The following CTNNA3 variants were observed in gnomAD, a reference collection of about 807,000 sequenced individuals.
The protein encoded by CTNNA3 is catenin alpha 3.
Under a neutral mutation model 95.7 loss-of-function variants are expected in CTNNA3, and 76 were observed. The observed-to-expected ratio is 0.79, with a 90% CI of 0.66 to 0.96. The LOEUF (loss-of-function observed/expected upper bound fraction) is 0.96, where lower values mean the gene tolerates loss of function less well. CTNNA3 is among the 40% of genes least tolerant of loss of function. CTNNA3 has a pLI of 0.00. For synonymous variants in CTNNA3, 431 were observed against 374.4 expected (o/e 1.15, Z -1.74); for missense variants, 1,191 against 1,089.8 (o/e 1.09, Z -1.31).
At chr10:67,699,866 T>G (rs923322001), upstream of CTNNA3, among the ~76,000 whole-genome samples, 6 of 152,284 alleles carry the variant, frequency 3.9e-5, no homozygotes, top group South Asian at 1.2e-3. Context: ...TTCCCTTTCC[T>G]AGTCAAAGAA....
At chr10:67,292,621 A>G (rs1053428824) in intron 5 of CTNNA3, among the ~76,000 whole-genome samples, 1 of 152,168 alleles carries the variant, frequency 6.6e-6, no homozygotes, top group Non-Finnish European at 1.5e-5. Flanking sequence ...AACTGCTACA[A>G]TGAAACCATA....
intron 7 of CTNNA3, among the ~76,000 whole-genome samples, chr10:66,808,696 C>T (rs1044686152): frequency 1.3e-5 from 2 of 152,080 alleles, no homozygotes; most frequent in Non-Finnish European, 2.9e-5. Flanking sequence ...TTCCTTTGCC[C>T]AGCATTTCCA....
chr10:66,085,174 G>A (rs1297720190), intron 14 of CTNNA3: 1 of 152,038 alleles, frequency 6.6e-6, no homozygotes, highest in Non-Finnish European at 1.5e-5. Context: ...ATTTGTAGAA[G>A]AAGAATGAAA....
chr10:67,370,005 T>A (rs1308392354), intron 5 of CTNNA3, among the ~76,000 whole-genome samples: 3 of 152,180 alleles, frequency 2.0e-5, no homozygotes, highest in African/African-American at 7.2e-5. Context: ...TATATGCATG[T>A]GTAGGTGTGT....
intron 3 of CTNNA3, among the ~76,000 whole-genome samples, chr10:67,600,544 G>C (rs1564773530): frequency 6.6e-6 from 1 of 152,082 alleles, no homozygotes; most frequent in Non-Finnish European, 1.5e-5. Context: ...ACATACATTT[G>C]AATTAAAAAC....
chr10:67,744,652 T>G lies in CTNNA3; in HGVS notation c.-2+18782A>C, dbSNP rs1482468731. Among the ~76,000 whole-genome samples, 3 of 150,776 alleles carry G rather than the reference T, an allele frequency of 2.0e-5. 1 individual carries two copies. In the South Asian group the frequency reaches 6.4e-4, roughly 32 times the overall value. On this transcript the variant is annotated intron_variant, in intron 1 of 17. Coordinates refer to the CTNNA3 transcript ENST00000684154. ...GGCAACAAAAGCCAAAATTGACAAA[T>G]GGGATCTAATTAAACTAAAGAGTTT...
At position 65,988,726 on chromosome 10, in the gene CTNNA3, C is replaced by G. The variant is rs1244151036; in HGVS notation, c.2231G>C (p.Arg744Thr). The G allele has an allele frequency of 6.2e-7, 1 of 1,613,932 alleles. No individual in the cohort carries two copies. Among genetic ancestry groups the G allele is most frequent in the Non-Finnish European group, 8.5e-7 (1 of 1,179,944 alleles). The change falls in exon 16 of 18, where the codon AGG becomes ACG. Residue 744 changes from arginine (R) to threonine (T), a missense_variant. By Grantham distance (71) the Arg-to-Thr change is moderately conservative. Coordinates refer to ENST00000433211, the MANE Select transcript of CTNNA3 (RefSeq NM_013266.4). ...AATCTGCCGAGCAAGGACATCCATC[C>G]TTGATCCTGATTCTGATATCATTTT... ...AAKMISESGS[R>T]MDVLARQIAN...
At chr10:66,637,007 TAAAG>T (rs1024121343) in intron 9 of CTNNA3, among the ~76,000 whole-genome samples, 13 of 152,128 alleles carry the variant, frequency 8.5e-5, no homozygotes, top group Admixed American at 2.0e-4. Flanking sequence ...TAAAAAGTCT[TAAAG>T]AAAGACAATT....
At chr10:66,078,992 A>G (rs937245769) in intron 14 of CTNNA3, 2 of 152,002 alleles carry the variant, frequency 1.3e-5, no homozygotes, top group Non-Finnish European at 2.9e-5. Flanking sequence ...GGAAGTAGAC[A>G]GAAGGTGTAT....
chr10:66,392,654 T>C (rs2092943371), intron 11 of CTNNA3, among the ~76,000 whole-genome samples: 1 of 152,056 alleles, frequency 6.6e-6, no homozygotes, highest in African/African-American at 2.4e-5. Context: ...ACATTGTTTA[T>C]CATCAAGGAA....
chr10:66,537,164 A>G (rs1234566158), intron 10 of CTNNA3, among the ~76,000 whole-genome samples: 4 of 152,110 alleles, frequency 2.6e-5, no homozygotes, highest in Admixed American at 2.6e-4. Flanking sequence ...CTTCAGTTTG[A>G]CAAATAGTTA....
chr10:67,312,178 T>C (rs570820410), intron 5 of CTNNA3, among the ~76,000 whole-genome samples: 1 of 151,308 alleles, frequency 6.6e-6, no homozygotes, highest in South Asian at 2.1e-4. Context: ...GTTCAAGCAA[T>C]TCTCCTGCCT....
chr10:66,859,266 T>G (rs577047429), intron 7 of CTNNA3, among the ~76,000 whole-genome samples: 22 of 152,102 alleles, frequency 1.4e-4, no homozygotes, highest in South Asian at 1.0e-3. Context: ...AACCTACTCA[T>G]CTGACAAAAG....
intron 13 of CTNNA3, among the ~76,000 whole-genome samples, chr10:66,257,403 C>T (rs1181328408): frequency 6.6e-6 from 1 of 152,214 alleles, no homozygotes; most frequent in African/African-American, 2.4e-5. Flanking sequence ...TTCCTTTCCT[C>T]ATTCCTTTTA....
intron 7 of CTNNA3, among the ~76,000 whole-genome samples, chr10:67,080,930 A>G (rs200263953): frequency 2.8e-5 from 1 of 35,326 alleles, no homozygotes; most frequent in Admixed American, 2.2e-4. Context: ...AAAAACAAAA[A>G]AACAACAAAA....
chr10:66,487,685 ATTAT>A (rs1839787324), intron 11 of CTNNA3, among the ~76,000 whole-genome samples: 1 of 152,176 alleles, frequency 6.6e-6, no homozygotes, highest in East Asian at 1.9e-4. Context: ...TATACAATTT[ATTAT>A]TTGTCAATTA....
chr10:66,056,546 G>A (rs1026584399), intron 15 of CTNNA3, among the ~76,000 whole-genome samples: 13 of 152,058 alleles, frequency 8.5e-5, no homozygotes, highest in African/African-American at 3.1e-4. Flanking sequence ...TAGCCTCATA[G>A]AATGAGTTAG....
intron 5 of CTNNA3, among the ~76,000 whole-genome samples, chr10:67,337,229 T>G (rs1031828096): frequency 4.6e-5 from 7 of 152,214 alleles, no homozygotes; most frequent in African/African-American, 1.7e-4. Flanking sequence ...AACAGGAGTT[T>G]GGAAGAAGTC....
chr10:67,061,237 C>A (rs754920617), intron 7 of CTNNA3, among the ~76,000 whole-genome samples: 7 of 152,134 alleles, frequency 4.6e-5, no homozygotes, highest in Non-Finnish European at 7.3e-5. Context: ...TGAATGAAAG[C>A]ATTTTACCTT....
Sources: gnomAD v4.1 joint callset for allele counts (sites outside exome capture counted in the v4.1 genomes callset) on GRCh38, gnomAD v4.1.1 for gene constraint, MANE v1.5 for transcripts, NCBI Gene and HGNC (gene_info 2026-07-23, HGNC 2026-07-21) for gene names.